The following TPM4 variants were observed in gnomAD, a reference collection of about 807,000 sequenced individuals.
TPM4 encodes tropomyosin 4, also known as tropomyosin alpha-4 chain.
In TPM4, 17 loss-of-function variants were observed where a neutral mutation model predicts 35.8. The ratio of observed to expected loss-of-function variants is 0.47; its 90% CI spans 0.32 to 0.71. The LOEUF (loss-of-function observed/expected upper bound fraction) is 0.71. Ranked by LOEUF, TPM4 falls within the 30% of genes least tolerant of loss-of-function variation. The probability of loss-of-function intolerance (pLI) is 0.03; values close to 1 mark genes in which losing one functional copy is unlikely to be tolerated. For synonymous variants in TPM4, 120 were observed against 122.9 expected (o/e 0.98, Z 0.15); for missense variants, 240 against 320.9 (o/e 0.75, Z 1.93).
chr19:16,093,952 C>CTTTT (rs35095689), intron 7 of TPM4, among the ~76,000 whole-genome samples, 199 bp downstream of exon 7: 28 of 108,792 alleles, frequency 2.6e-4, no homozygotes, highest in South Asian at 6.4e-4. Context: ...TTGAATGGCC[C>CTTTT]TTTTTTTTTT....
At position 16,070,092 on chromosome 19, in the gene TPM4, G is replaced by A. The variant is rs2090342145; in HGVS notation, c.114+2354G>A. 6.6e-6 allele frequency among the ~76,000 whole-genome samples: 1 copy of A among 152,106 alleles called. No homozygotes were observed. Among genetic ancestry groups the A allele is most frequent in the African/African-American group, 2.4e-5 (1 of 41,398 alleles). On this transcript the variant is annotated intron_variant, in intron 2 of 2. Coordinates refer to the TPM4 transcript ENST00000589897. The surrounding 1 kb of genome is among the most constrained non-coding windows in gnomAD (Gnocchi z 7.4). ...TGGGAGTAGAGTTGAGAGTGAGTCTGAGAATCTCATTGTGTATGTGGGGGT... is the reference window on the plus strand; with the variant it reads ...TGGGAGTAGAGTTGAGAGTGAGTCTAAGAATCTCATTGTGTATGTGGGGGT...
At chr19:16,069,627 T>G (rs961550633) in intron 2 of TPM4, among the ~76,000 whole-genome samples, 5 of 149,308 alleles carry the variant, frequency 3.3e-5, no homozygotes, top group South Asian at 2.1e-4. Flanking sequence ...TGTGTGTGTG[T>G]GGGTGAGTGT....
At chr19:16,068,008 C>T (rs915189392) in intron 2 of TPM4, 1 of 470,780 alleles carries the variant, frequency 2.1e-6, no homozygotes, top group East Asian at 3.9e-5. Flanking sequence ...AGAGTGAGAA[C>T]GTTCGTGAGC....
rs148673619 is a variant in TPM4, at chr19:16,094,401, G to A, written c.664+648G>A. Among the ~76,000 whole-genome samples the A allele has an allele frequency of 6.6e-3, 1,004 of 151,944 alleles. 11 individuals carry two copies. Among genetic ancestry groups the A allele is most frequent in the African/African-American group, 0.023 (940 of 41,438 alleles). On this transcript the variant is annotated intron_variant, in intron 7 of 7. Coordinates refer to ENST00000643579, the MANE Select transcript of TPM4 (RefSeq NM_003290.3). ...ATAGAAAAAATTAGCCAGGCGTGGT[G>A]GTGCACGCCTGTAATCCTAGCTACT...
chr19:16,076,846 CG>C, intron 1 of TPM4, 149 bp downstream of exon 1: 2 of 1,249,014 alleles, frequency 1.6e-6, no homozygotes, highest in Non-Finnish European at 2.0e-6. Flanking sequence ...CACATCCCTG[CG>C]CCCGCAGCCA....
Position 16,088,937 on chromosome 19 carries a change from G to A in TPM4, c.456-108G>A, listed in dbSNP as rs529178870. The A allele has an allele frequency of 6.4e-4, 999 of 1,554,868 alleles. 5 individuals carry two copies. The African/African-American group carries it at 0.01, about 16-fold the overall frequency. ...CCCCACATTCCTTCTGCCCCCCACCGGGGGAGCTGTGTAGGTTTCTCCTTT... is the reference window on the plus strand; with the variant it reads ...CCCCACATTCCTTCTGCCCCCCACCAGGGGAGCTGTGTAGGTTTCTCCTTT... On this transcript the variant is annotated intron_variant, in intron 4 of 7. Transcript: ENST00000643579.
intron 1 of TPM4, among the ~76,000 whole-genome samples, chr19:16,079,283 TAC>T (rs1195885055): frequency 2.0e-5 from 3 of 152,226 alleles, no homozygotes; most frequent in African/African-American, 4.8e-5. Flanking sequence ...TGCTAATGGG[TAC>T]ACAGTTTTTT....
chr19:16,073,999 G>C (rs73003793), upstream of TPM4, among the ~76,000 whole-genome samples: 35,331 of 94,082 alleles, frequency 0.38, 6,279 homozygotes, highest in East Asian at 0.53. Context: ...CACACAGCAA[G>C]ATCAGGTTAA....
intron 3 of TPM4, among the ~76,000 whole-genome samples, chr19:16,087,114 A>T (rs1012695716): frequency 2.0e-5 from 3 of 151,248 alleles, no homozygotes; most frequent in Admixed American, 6.6e-5. Context: ...CCCATTTCTA[A>T]AAATAATAAT....
chr19:16,083,671 C>T (rs547892960), intron 2 of TPM4, among the ~76,000 whole-genome samples: 1 of 144,470 alleles, frequency 6.9e-6, no homozygotes, highest in South Asian at 2.1e-4. Flanking sequence ...CAGTGATCAT[C>T]GCGTCTGCCC....
upstream of TPM4, chr19:16,076,093 A>G: frequency 6.2e-7 from 1 of 1,606,778 alleles, no homozygotes; most frequent in Non-Finnish European, 8.5e-7. Context: ...AAAGGGACAG[A>G]GGACGAGCTG....
chr19:16,077,471 A>T (rs1252526992), intron 1 of TPM4: 2 of 152,192 alleles, frequency 1.3e-5, no homozygotes, highest in African/African-American at 4.8e-5. Flanking sequence ...GCCCGAGATA[A>T]ACAATGGGTC....
At chr19:16,078,242 G>A in intron 1 of TPM4, 1 of 397,942 alleles carries the variant, frequency 2.5e-6, no homozygotes, top group Non-Finnish European at 4.4e-6. Flanking sequence ...GAATAAATAA[G>A]TTTGCTGGGA....
chr19:16,088,967 A>T, intron 4 of TPM4, 78 bp from the exon 5 acceptor site: 1 of 1,602,216 alleles, frequency 6.2e-7, no homozygotes. Context: ...TCCTTTGGAA[A>T]ATTTATTGTT....
At position 16,070,548 on chromosome 19, in the gene TPM4, A is replaced by T. The variant is rs1050088175; in HGVS notation, c.114+2810A>T. On this transcript the variant is annotated intron_variant, in intron 2 of 2. Transcript: ENST00000589897. This position sits in a 1 kb window ranked among gnomAD's most constrained non-coding sequence, Gnocchi z 7.4. ...TCGGAGCTCAGACTGGCCATGTTTG[A>T]GTCATGGCTCAGTCGCTAGGTGTCC... Among the ~76,000 whole-genome samples, 6 of 152,108 alleles carry T rather than the reference A, an allele frequency of 3.9e-5. No individual in the cohort carries two copies. The highest frequency in any genetic ancestry group is 9.7e-5 in the African/African-American group (4 of 41,414).
chr19:16,076,542 C>G lies in TPM4; in HGVS notation c.-24C>G. 1 of 1,430,496 alleles carries G rather than the reference C, an allele frequency of 7.0e-7. No individual in the cohort carries two copies. The highest frequency in any genetic ancestry group is 9.1e-7 in the Non-Finnish European group (1 of 1,093,442). The allele number at this position is 1,430,496 out of a possible 1,614,324, so 88.6% of individuals were successfully genotyped here. A position where few individuals can be genotyped will look rare whatever the true frequency, so the allele number is the denominator to read the frequency against. Reference sequence around the variant, plus strand: ...GCCCAGCCGAGCGTCCGCCGCTGCCCGTGCGCCTCTGCGCCTCCGCGCCAT... The same window carrying G: ...GCCCAGCCGAGCGTCCGCCGCTGCCGGTGCGCCTCTGCGCCTCCGCGCCAT... On this transcript the variant is annotated 5_prime_UTR_variant, in exon 1 of 8. Transcript: ENST00000643579.
At chr19:16,076,262 A>AGAG, upstream of TPM4, 15 of 1,533,920 alleles carry the variant, frequency 9.8e-6, no homozygotes, top group Non-Finnish European at 1.3e-5. Flanking sequence ...GGGAGGAGGA[A>AGAG]GAGGAGGAGG....
At chr19:16,076,418 G>A (rs1055456680), upstream of TPM4, 3 of 1,355,596 alleles carry the variant, frequency 2.2e-6, no homozygotes, top group Non-Finnish European at 2.8e-6. Context: ...TCGCCCCGAC[G>A]GCAGCCGGCC....
Position 16,102,676 on chromosome 19 carries a change from C to G in TPM4, c.*1330C>G, listed in dbSNP as rs1042489517. 1 of 229,250 alleles carries G rather than the reference C, an allele frequency of 4.4e-6. No homozygotes were observed. Among genetic ancestry groups the G allele is most frequent in the Admixed American group, 5.7e-5 (1 of 17,608 alleles). 14.2% of individuals were successfully genotyped at this position (229,250 alleles called of 1,614,324 possible). Reference sequence around the variant, plus strand: ...ACTGGATAATGAAGGATTCTGTAGACAGGGCTGCACGTATCGGCTTTGTTT... The same window carrying G: ...ACTGGATAATGAAGGATTCTGTAGAGAGGGCTGCACGTATCGGCTTTGTTT... On this transcript the variant is annotated 3_prime_UTR_variant, in exon 8 of 8. Transcript: ENST00000643579.
Sources: allele counts gnomAD v4.1 joint callset (sites outside exome capture counted in the v4.1 genomes callset), GRCh38; gene constraint gnomAD v4.1.1; non-coding constraint Gnocchi (gnomAD v3.1); transcripts MANE v1.5; gene names NCBI Gene and HGNC (gene_info 2026-07-23, HGNC 2026-07-21).